Variants in PLSCR4 observed in about 807,000 individuals in gnomAD.
PLSCR4 encodes the protein phospholipid scramblase 4.
In PLSCR4, 25 loss-of-function variants were observed where a neutral mutation model predicts 36.3. The observed-to-expected ratio is 0.69, with a 90% CI of 0.50 to 0.96. The LOEUF (loss-of-function observed/expected upper bound fraction) is 0.96, where lower values mean the gene tolerates loss of function less well. Among genes scored for constraint, PLSCR4 ranks in the 40% least tolerant of loss-of-function variants. PLSCR4 has a pLI of 0.00. For synonymous variants in PLSCR4, 122 were observed against 132.9 expected (o/e 0.92, Z 0.56); for missense variants, 408 against 414.7 (o/e 0.98, Z 0.14).
At chr3:146,211,163 T>C (rs9849036) in intron 3 of PLSCR4, among the ~76,000 whole-genome samples, 51,130 of 151,948 alleles carry the variant, frequency 0.34, 8,673 homozygotes, top group Admixed American at 0.37. Context: ...TACAATTTCA[T>C]GTCCACTTGC....
In PLSCR4 at chr3:146,199,996, G is replaced by A. The variant is rs1215986120; in HGVS notation, c.441C>T (p.Asn147=). The stretch of plus-strand genomic sequence containing the variant: ...CAATGTAAACCATCTGGTCTGAGTT[G>A]TTTTTAATATCATATCTATTATTAG... The part of the protein sequence containing the change: ...FETNNRYDIK[N]NSDQMVYIVT... Residue 147 remains asparagine, a synonymous_variant, in exon 6 of 9, where the codon AAC becomes AAT. Coordinates refer to ENST00000354952, the MANE Select transcript of PLSCR4 (RefSeq NM_020353.3). 1.9e-6 allele frequency: 3 copies of A among 1,609,124 alleles called. No homozygotes were observed. Among genetic ancestry groups the A allele is most frequent in the African/African-American group, 2.7e-5 (2 of 74,812 alleles).
Position 146,195,404 on chromosome 3 carries a change from G to A in PLSCR4, c.787-122C>T. On this transcript the variant is annotated intron_variant, in intron 7 of 8. Coordinates refer to ENST00000354952, the MANE Select transcript of PLSCR4 (RefSeq NM_020353.3). ...AAAAGACTATGTAATTATATAATTT[G>A]AAATGAGAAAATAATGGCCAAAAAG... 5 of 811,368 alleles carry A rather than the reference G, an allele frequency of 6.2e-6. No individual in the cohort carries two copies. In the South Asian group the frequency reaches 9.4e-5, roughly 15 times the overall value. 50.3% of individuals were successfully genotyped at this position (811,368 alleles called of 1,614,324 possible).
chr3:146,229,462 T>C (rs6770163), intron 1 of PLSCR4, among the ~76,000 whole-genome samples: 110,804 of 151,626 alleles, frequency 0.73, 41,064 homozygotes, highest in South Asian at 0.8. Flanking sequence ...AACACATCAA[T>C]GTGCTGGGAA....
chr3:146,196,899 G>C, intron 6 of PLSCR4, 106 bp from the exon 7 acceptor site: 1 of 960,208 alleles, frequency 1.0e-6, no homozygotes. Flanking sequence ...TCAAAGACTA[G>C]GGAAATTATT....
chr3:146,196,782 C>T lies in PLSCR4; in HGVS notation c.636G>A (p.Gln212=). The change falls in exon 7 of 9, where the codon CAG becomes CAA. Residue 212 remains glutamine, a synonymous_variant. Transcript: ENST00000354952. ...AGCCAATGGTGACACCAGGAGGACACTGCACCTCCAGCTGCAAACAAAACA... is the reference window on the plus strand; with the variant it reads ...AGCCAATGGTGACACCAGGAGGACATTGCACCTCCAGCTGCAAACAAAACA... ...CPSARQELEV[Q]CPPGVTIGFV... The T allele has an allele frequency of 6.2e-7, 1 of 1,613,778 alleles. No homozygotes were observed. Among genetic ancestry groups the T allele is most frequent in the Non-Finnish European group, 8.5e-7 (1 of 1,179,818 alleles).
intron 6 of PLSCR4, among the ~76,000 whole-genome samples, chr3:146,199,230 C>T (rs530552709): frequency 1.2e-4 from 19 of 152,172 alleles, no homozygotes; most frequent in African/African-American, 4.1e-4. Flanking sequence ...TGTTTGGTTT[C>T]TCTCCAAAAC....
intron 3 of PLSCR4, among the ~76,000 whole-genome samples, chr3:146,219,337 T>C (rs777696191): frequency 3.3e-5 from 5 of 152,178 alleles, no homozygotes; most frequent in Non-Finnish European, 7.3e-5. Flanking sequence ...GGTTTTTGGA[T>C]ATAGAGTAAT....
At chr3:146,242,184 T>C (rs977973353) in intron 1 of PLSCR4, among the ~76,000 whole-genome samples, 3 of 152,212 alleles carry the variant, frequency 2.0e-5, no homozygotes, top group Admixed American at 6.5e-5. Context: ...TTATGAATAC[T>C]GCCTGCCCAT....
intron 1 of PLSCR4, among the ~76,000 whole-genome samples, chr3:146,249,957 TTAAG>T (rs1312712933): frequency 6.6e-6 from 1 of 152,204 alleles, no homozygotes; most frequent in Non-Finnish European, 1.5e-5. Flanking sequence ...CTTCTATAAA[TTAAG>T]TATGATGCAA....
chr3:146,225,292 T>C (rs1407514427), intron 1 of PLSCR4, among the ~76,000 whole-genome samples: 1 of 152,192 alleles, frequency 6.6e-6, no homozygotes, highest in Non-Finnish European at 1.5e-5. Flanking sequence ...GGGTGCTGAT[T>C]GGTGTATTTA....
At chr3:146,248,082 T>C (rs2036411798) in intron 1 of PLSCR4, among the ~76,000 whole-genome samples, 1 of 152,192 alleles carries the variant, frequency 6.6e-6, no homozygotes, top group African/African-American at 2.4e-5. Flanking sequence ...GTATTTTTTG[T>C]TTATAAAAGT....
At chr3:146,234,375 T>A (rs74603091) in intron 1 of PLSCR4, among the ~76,000 whole-genome samples, 2,563 of 152,106 alleles carry the variant, frequency 0.017, 78 homozygotes, top group African/African-American at 0.058. Flanking sequence ...TTTTAAAAAA[T>A]TTTTTTTATT....
At position 146,223,948 on chromosome 3, in the gene PLSCR4, T is replaced by C. The variant is rs868062074; in HGVS notation, c.-21-1856A>G. ...AAATAATACAAATATATAATAATTATAAATAATAAATATTTATTTATTTAT... is the reference window on the plus strand; with the variant it reads ...AAATAATACAAATATATAATAATTACAAATAATAAATATTTATTTATTTAT... On this transcript the variant is annotated intron_variant, in intron 1 of 8. Coordinates refer to ENST00000354952, the MANE Select transcript of PLSCR4 (RefSeq NM_020353.3). 2.2e-4 allele frequency among the ~76,000 whole-genome samples: 30 copies of C among 136,052 alleles called. No homozygotes were observed. The Middle Eastern group carries it at 0.011, about 50-fold the overall frequency. The allele number at this position is 136,052 out of a possible 152,430, so 89.3% of individuals were successfully genotyped here.
At chr3:146,220,422 C>T (rs916787841) in intron 3 of PLSCR4, among the ~76,000 whole-genome samples, 2 of 152,162 alleles carry the variant, frequency 1.3e-5, no homozygotes, top group Non-Finnish European at 2.9e-5. Flanking sequence ...ACATATGATT[C>T]TTTCTGCTAA....
chr3:146,201,873 T>C (rs2034066387), intron 4 of PLSCR4, among the ~76,000 whole-genome samples: 5 of 152,064 alleles, frequency 3.3e-5, no homozygotes, highest in Admixed American at 3.3e-4. Context: ...AGAAACCTTC[T>C]TGAGGACACA....
intron 3 of PLSCR4, among the ~76,000 whole-genome samples, chr3:146,207,582 C>T (rs1470556796): frequency 6.6e-6 from 1 of 151,960 alleles, no homozygotes; most frequent in Non-Finnish European, 1.5e-5. Flanking sequence ...CTCATGTCTC[C>T]TCTTATAGGG....
chr3:146,250,523 G>C (rs1287405046), intron 1 of PLSCR4: 1 of 152,140 alleles, frequency 6.6e-6, no homozygotes, highest in Non-Finnish European at 1.5e-5. Context: ...CACTCGCTGA[G>C]CAATTAAAAA....
chr3:146,217,328 G>A (rs377268835), intron 3 of PLSCR4, among the ~76,000 whole-genome samples: 6 of 152,328 alleles, frequency 3.9e-5, no homozygotes, highest in African/African-American at 1.4e-4. Context: ...CCATGATGGG[G>A]AAAGGTTTTA....
chr3:146,248,022 A>G (rs906462563), intron 1 of PLSCR4, among the ~76,000 whole-genome samples: 1 of 152,208 alleles, frequency 6.6e-6, no homozygotes, highest in Non-Finnish European at 1.5e-5. Context: ...GAGTACTATA[A>G]AAATGAATTT....
Sources: gnomAD v4.1 joint callset for allele counts (sites outside exome capture counted in the v4.1 genomes callset) on GRCh38, gnomAD v4.1.1 for gene constraint, MANE v1.5 for transcripts, NCBI Gene and HGNC (gene_info 2026-07-23, HGNC 2026-07-21) for gene names.